The following TDRD5 variants were observed in gnomAD, a reference collection of about 807,000 sequenced individuals.
TDRD5 encodes the protein tudor domain containing 5, also known as tudor domain-containing protein 5.
In TDRD5, 41 loss-of-function variants were observed where a neutral mutation model predicts 120.6. That is an observed-to-expected ratio of 0.34 (90% CI 0.26 to 0.44). The LOEUF (loss-of-function observed/expected upper bound fraction) is 0.44, where lower values mean the gene tolerates loss of function less well. Among genes scored for constraint, TDRD5 ranks in the 20% least tolerant of loss-of-function variants. TDRD5 has a pLI of 1.00. For synonymous variants in TDRD5, 430 were observed against 433.7 expected (o/e 0.99, Z 0.11); for missense variants, 1,006 against 1,221.2 (o/e 0.82, Z 2.63).
intron 13 of TDRD5, among the ~76,000 whole-genome samples, chr1:179,652,617 C>T (rs572608231): frequency 1.6e-4 from 24 of 152,300 alleles, no homozygotes; most frequent in African/African-American, 4.8e-4. Context: ...ATTTATCGAA[C>T]TTGTACCACA....
Position 179,622,713 on chromosome 1 carries a change from A to G in TDRD5, c.972+1622A>G, listed in dbSNP as rs536565704. ...AAGACAGATCAATAGAAATTATCCA[A>G]TTTGAAGAACAGAGAAACAAAATAG... On this transcript the variant is annotated intron_variant, in intron 6 of 17. Transcript: ENST00000444136. Among the ~76,000 whole-genome samples, 288 of 152,298 alleles carry G rather than the reference A, an allele frequency of 1.9e-3. 11 individuals are homozygous for G. In the South Asian group the frequency reaches 0.057, roughly 30 times the overall value.
intron 14 of TDRD5, among the ~76,000 whole-genome samples, chr1:179,659,709 T>G (rs959042587): frequency 6.6e-6 from 1 of 152,026 alleles, no homozygotes; most frequent in Non-Finnish European, 1.5e-5. Flanking sequence ...TTTAATTTAT[T>G]TTTTTGAGAC....
chr1:179,691,093 A>G lies in TDRD5; in HGVS notation c.*150A>G, dbSNP rs753481294. 9 of 1,026,500 alleles carry G rather than the reference A, an allele frequency of 8.8e-6. No homozygotes were observed. Among genetic ancestry groups the G allele is most frequent in the Non-Finnish European group, 1.2e-5 (9 of 733,970 alleles). 63.6% of individuals were successfully genotyped at this position (1,026,500 alleles called of 1,614,324 possible). A position where few individuals can be genotyped will look rare whatever the true frequency, so the allele number is the denominator to read the frequency against. On this transcript the variant is annotated 3_prime_UTR_variant, in exon 18 of 18. Coordinates refer to ENST00000444136, the MANE Select transcript of TDRD5 (RefSeq NM_001199085.3). Reference sequence around the variant, plus strand: ...GACTATATGTTAGCTTTATTATGCTAACAGTCTACTTTGATGTGTAAGTAA... The same window carrying G: ...GACTATATGTTAGCTTTATTATGCTGACAGTCTACTTTGATGTGTAAGTAA...
chr1:179,653,932 T>C (rs866501984), intron 13 of TDRD5, among the ~76,000 whole-genome samples: 22 of 152,350 alleles, frequency 1.4e-4, no homozygotes, highest in Non-Finnish European at 2.6e-4. Flanking sequence ...ACAACATTTT[T>C]TAGTTCCTTT....
At chr1:179,604,375 A>T (rs1675866722) in intron 4 of TDRD5, among the ~76,000 whole-genome samples, 1 of 151,534 alleles carries the variant, frequency 6.6e-6, no homozygotes, top group African/African-American at 2.4e-5. Context: ...TGTTAATTTC[A>T]TTTAGTTCTG....
intron 8 of TDRD5, 25 bp downstream of exon 8, chr1:179,634,654 A>T: frequency 6.3e-7 from 1 of 1,576,698 alleles, no homozygotes; most frequent in East Asian, 2.2e-5. Context: ...AAGACTGTGC[A>T]CTGGAGATTC....
At chr1:179,628,854 C>T (rs1228059354) in intron 6 of TDRD5, among the ~76,000 whole-genome samples, 3 of 152,076 alleles carry the variant, frequency 2.0e-5, no homozygotes, top group Non-Finnish European at 4.4e-5. Flanking sequence ...ATTTCTGGAA[C>T]ATTTTAACAA....
chr1:179,652,067 T>C lies in TDRD5; in HGVS notation c.2030T>C (p.Leu677Ser). ...KGFSELNPLALYTTSSGGPED... is the reference protein window; with the variant it reads ...KGFSELNPLASYTTSSGGPED... ...TTCAGTGAGCTCAACCCTTTAGCTTTATACACGACATCCAGTGGAGGGCCA... is the reference window on the plus strand; with the variant it reads ...TTCAGTGAGCTCAACCCTTTAGCTTCATACACGACATCCAGTGGAGGGCCA... Residue 677 changes from leucine to serine, a missense_variant, in exon 13 of 18, where the codon TTA becomes TCA. Coordinates refer to ENST00000444136, the MANE Select transcript of TDRD5 (RefSeq NM_001199085.3). 1 of 1,613,970 alleles carries C rather than the reference T, an allele frequency of 6.2e-7. No homozygotes were observed. Among genetic ancestry groups the C allele is most frequent in the Non-Finnish European group, 8.5e-7 (1 of 1,179,986 alleles).
chr1:179,657,133 C>T (rs1679048112), intron 14 of TDRD5, among the ~76,000 whole-genome samples: 1 of 152,086 alleles, frequency 6.6e-6, no homozygotes. Context: ...TATTTTGGTT[C>T]CTTTTTCTTT....
chr1:179,651,575 A>T (rs1461157003), intron 12 of TDRD5, among the ~76,000 whole-genome samples: 1 of 152,216 alleles, frequency 6.6e-6, no homozygotes, highest in Non-Finnish European at 1.5e-5. Flanking sequence ...TAATTTTTGT[A>T]ACTAGCAAAA....
intron 11 of TDRD5, among the ~76,000 whole-genome samples, chr1:179,643,457 G>A (rs1286828573): frequency 2.0e-5 from 3 of 152,180 alleles, no homozygotes; most frequent in Admixed American, 1.3e-4. Flanking sequence ...TATGTTCAAG[G>A]ACTGAGAGAT....
intron 4 of TDRD5, among the ~76,000 whole-genome samples, chr1:179,611,912 T>C (rs1676299821): frequency 6.6e-6 from 1 of 152,164 alleles, no homozygotes; most frequent in Non-Finnish European, 1.5e-5. Flanking sequence ...GGGGTGTGGG[T>C]TCTAATTCCC....
chr1:179,661,976 A>G (rs1263434370), intron 14 of TDRD5, 128 bp from the exon 15 acceptor site: 3 of 823,656 alleles, frequency 3.6e-6, no homozygotes, highest in East Asian at 3.1e-5. Flanking sequence ...CAGAAGGGAA[A>G]TTAATAAATT....
intron 5 of TDRD5, among the ~76,000 whole-genome samples, chr1:179,620,058 C>A (rs546849314): frequency 8.9e-4 from 136 of 152,282 alleles, no homozygotes; most frequent in African/African-American, 3.2e-3. Flanking sequence ...ATGGAAGTTT[C>A]TCCTTGACTT....
At chr1:179,641,611 G>A (rs1678053808) in intron 11 of TDRD5, among the ~76,000 whole-genome samples, 1 of 152,126 alleles carries the variant, frequency 6.6e-6, no homozygotes, top group Admixed American at 6.5e-5. Context: ...TAGAAATTTG[G>A]TGTATGTTTC....
intron 4 of TDRD5, among the ~76,000 whole-genome samples, chr1:179,602,332 T>C (rs1479903320): frequency 6.6e-6 from 1 of 152,196 alleles, no homozygotes; most frequent in Non-Finnish European, 1.5e-5. Flanking sequence ...CTTCATATGT[T>C]TGTTGGCCAT....
chr1:179,598,865 C>T (rs1416183826), intron 4 of TDRD5, among the ~76,000 whole-genome samples: 1 of 152,008 alleles, frequency 6.6e-6, no homozygotes, highest in Non-Finnish European at 1.5e-5. Context: ...TGCCTTTCCT[C>T]CAACCCTTAC....
chr1:179,646,030 C>T (rs1177127334), intron 11 of TDRD5, among the ~76,000 whole-genome samples: 1 of 152,050 alleles, frequency 6.6e-6, no homozygotes, highest in Non-Finnish European at 1.5e-5. Flanking sequence ...TTGTCTTTCA[C>T]CCAGAATGTT....
At chr1:179,648,452 TGGGG>T (rs754051680) in intron 11 of TDRD5, among the ~76,000 whole-genome samples, 2 of 37,290 alleles carry the variant, frequency 5.4e-5, no homozygotes, top group South Asian at 1.5e-3. Context: ...TGTTGTGGGG[TGGGG>T]GGGGGGAGGG....
Sources: allele counts gnomAD v4.1 joint callset (sites outside exome capture counted in the v4.1 genomes callset), GRCh38; gene constraint gnomAD v4.1.1; transcripts MANE v1.5; gene names NCBI Gene and HGNC (gene_info 2026-07-23, HGNC 2026-07-21).